The following HK2 variants were observed in gnomAD, a reference collection of about 807,000 sequenced individuals.
HK2 encodes the protein hexokinase 2.
In HK2, 42 loss-of-function variants were observed where a neutral mutation model predicts 92.9. The observed-to-expected ratio is 0.45, with a 90% CI of 0.35 to 0.58. HK2 has a LOEUF of 0.58. Ranked by LOEUF, HK2 falls within the 20% of genes least tolerant of loss-of-function variation. The pLI is 0.00. For synonymous variants in HK2, 422 were observed against 468.0 expected (o/e 0.90, Z 1.27); for missense variants, 978 against 1,245.1 (o/e 0.79, Z 3.23).
Position 74,857,770 on chromosome 2 carries a change from A to T in HK2, c.226+3315A>T, listed in dbSNP as rs538502859. Among the ~76,000 whole-genome samples the T allele has an allele frequency of 3.3e-5, 5 of 152,308 alleles. No individual in the cohort carries two copies. The South Asian group carries it at 1.0e-3, about 32-fold the overall frequency. On this transcript the variant is annotated intron_variant, in intron 2 of 17. Transcript: ENST00000290573. The stretch of plus-strand genomic sequence containing the variant: ...ATGGCAGTGAAAATAGGTGACTCCT[A>T]AGTTGATACAGACTATCAAAAATGA...
In HK2 at chr2:74,886,618, C is replaced by T. The variant is rs140962137; in HGVS notation, c.2164C>T (p.Arg722Cys). ...FGDNGCLDDF[R>C]TEFDVAVDEL... ...GGACAATGGATGCCTAGATGACTTC[C>T]GCACAGAATTTGATGTGGCTGTGGA... is the stretch of plus-strand genomic sequence containing the variant. Residue 722 changes from arginine (R) to cysteine (C), a missense_variant, in exon 15 of 18, where the codon CGC (arginine) becomes TGC (cysteine). By Grantham distance (180) the Arg-to-Cys change is radical (BLOSUM62 -3). Transcript: ENST00000290573. The T allele has an allele frequency of 1.9e-5, 31 of 1,613,926 alleles. No individual in the cohort carries two copies. Among genetic ancestry groups the T allele is most frequent in the Middle Eastern group, 3.3e-4 (2 of 6,062 alleles).
At chr2:74,888,236 G>C (rs1689588277) in intron 16 of HK2, among the ~76,000 whole-genome samples, 178 bp downstream of exon 16, 1 of 152,208 alleles carries the variant, frequency 6.6e-6, no homozygotes, top group Admixed American at 6.5e-5. Context: ...CATTTTAAGG[G>C]CAAACAGAGC....
intron 16 of HK2, 62 bp from the exon 17 acceptor site, chr2:74,889,183 G>A: frequency 1.5e-6 from 2 of 1,369,490 alleles, no homozygotes; most frequent in East Asian, 4.9e-5. Context: ...AGGCCCTGGT[G>A]TGGTAGGCTA....
chr2:74,869,878 A>G (rs57939247), intron 3 of HK2, among the ~76,000 whole-genome samples: 8,475 of 152,208 alleles, frequency 0.056, 299 homozygotes, highest in African/African-American at 0.098. Flanking sequence ...TCTTGCAGCA[A>G]TGGAACTGTC....
chr2:74,861,507 C>G (rs1037561054), intron 2 of HK2, among the ~76,000 whole-genome samples: 1 of 152,002 alleles, frequency 6.6e-6, no homozygotes, highest in Non-Finnish European at 1.5e-5. Context: ...ATCTGTTTTA[C>G]TCTCCACAAA....
intron 2 of HK2, among the ~76,000 whole-genome samples, chr2:74,861,265 T>A (rs955780472): frequency 1.3e-5 from 2 of 152,016 alleles, no homozygotes; most frequent in Non-Finnish European, 2.9e-5. Flanking sequence ...ACTAAAAATA[T>A]AAAAAATTAG....
At chr2:74,835,190 G>C (rs1448205872) in intron 1 of HK2, 1 of 174,184 alleles carries the variant, frequency 5.7e-6, no homozygotes, top group East Asian at 1.6e-4. Context: ...GAGTAGGAAA[G>C]GGGCAGAGGA....
At chr2:74,865,631 C>T (rs537894799) in intron 2 of HK2, among the ~76,000 whole-genome samples, 2 of 152,194 alleles carry the variant, frequency 1.3e-5, no homozygotes, top group East Asian at 3.9e-4. Context: ...CAGATGAGGG[C>T]GATGTTGCTG....
At chr2:74,866,299 G>T (rs1354422924) in intron 2 of HK2, among the ~76,000 whole-genome samples, 1 of 152,162 alleles carries the variant, frequency 6.6e-6, no homozygotes, top group Admixed American at 6.5e-5. Flanking sequence ...CTTCACTTCA[G>T]TGCTGTTCTC....
rs531105231 is a variant in HK2, at chr2:74,845,912, C to T, written c.64-8381C>T. Among the ~76,000 whole-genome samples, 9 of 152,334 alleles carry T rather than the reference C, an allele frequency of 5.9e-5. No homozygotes were observed. In the East Asian group the frequency reaches 1.7e-3, roughly 29 times the overall value. On this transcript the variant is annotated intron_variant, in intron 1 of 17. Coordinates refer to ENST00000290573, the MANE Select transcript of HK2 (RefSeq NM_000189.5). ...CTGCTCTTTGTACAGCCTCAGCCTT[C>T]CCAGGAGGAGTCTGTGAGGGCATTA...
intron 12 of HK2, among the ~76,000 whole-genome samples, chr2:74,882,894 G>A (rs554573660): frequency 7.9e-5 from 12 of 151,874 alleles, no homozygotes; most frequent in Non-Finnish European, 4.4e-5. Context: ...ATGGGCTCAG[G>A]GCATTTTCAT....
At chr2:74,886,090 G>A (rs1331043217) in intron 13 of HK2, among the ~76,000 whole-genome samples, 1 of 152,080 alleles carries the variant, frequency 6.6e-6, no homozygotes, top group African/African-American at 2.4e-5. Flanking sequence ...GAGCAAGTGT[G>A]CTGGAAAGGG....
rs1240752812 is a variant in HK2 at position 74,889,383 on chromosome 2, G to A, written c.2514G>A (p.Met838Ile). Residue 838 changes from methionine (M) to isoleucine (I), a missense_variant, in exon 17 of 18, where the codon ATG becomes ATA. By Grantham distance (10) the Met-to-Ile change is conservative. Coordinates refer to ENST00000290573, the MANE Select transcript of HK2 (RefSeq NM_000189.5). ...CAGCCCAGCTCTGTGGCGCAGGCAT[G>A]GCCGCTGTGGTGGACAGGATACGAG... ...RRAAQLCGAGMAAVVDRIREN... is the reference protein window; with the variant it reads ...RRAAQLCGAGIAAVVDRIREN... The A allele has an allele frequency of 6.2e-7, 1 of 1,614,232 alleles. No individual in the cohort carries two copies. The highest frequency in any genetic ancestry group is 1.7e-5 in the Admixed American group (1 of 60,028).
rs555755112 is a variant in HK2, at chr2:74,881,530, A to C, written c.1571-181A>C. ...ACAAGGGAGGGTTTTCTCAGTTTAAAAGATTTCCCTTCAGCTTCCTTCAGG... is the reference window on the plus strand; with the variant it reads ...ACAAGGGAGGGTTTTCTCAGTTTAACAGATTTCCCTTCAGCTTCCTTCAGG... On this transcript the variant is annotated intron_variant, in intron 10 of 17. Transcript: ENST00000290573. 3.3e-5 allele frequency among the ~76,000 whole-genome samples: 5 copies of C among 152,304 alleles called. No homozygotes were observed. The South Asian group carries it at 1.0e-3, about 32-fold the overall frequency.
rs1308882283 is a variant in HK2, at chr2:74,878,699, G to C, written c.1043G>C (p.Gly348Ala). 1.2e-6 allele frequency: 2 copies of C among 1,605,430 alleles called. No individual in the cohort carries two copies. The highest frequency in any genetic ancestry group is 3.4e-5 in the Admixed American group (2 of 59,078). ...DISDIEGEKD[G>A]IRKAREVLMR... is the part of the protein sequence containing the mutation. Reference sequence around the variant, plus strand: ...TTTCTGTTTCCCAGGGAGAAGGATGGCATCCGGAAGGCCCGTGAGGTCCTG... The same window carrying C: ...TTTCTGTTTCCCAGGGAGAAGGATGCCATCCGGAAGGCCCGTGAGGTCCTG... The change falls in exon 9 of 18, where the codon GGC (glycine) becomes GCC (alanine). Residue 348 changes from glycine (G) to alanine (A), a missense_variant. By Grantham distance (60) the Gly-to-Ala change is moderately conservative (BLOSUM62 0). This residue lies in a region of HK2 where 742 missense variants were observed against 922.5 expected (regional missense o/e 0.80). Coordinates refer to ENST00000290573, the MANE Select transcript of HK2 (RefSeq NM_000189.5).
intron 2 of HK2, among the ~76,000 whole-genome samples, chr2:74,860,823 C>A (rs13397480): frequency 0.19 from 29,027 of 152,108 alleles, 6,667 homozygotes; most frequent in African/African-American, 0.55. Context: ...AGACATTTCC[C>A]CCAAATTGTT....
At position 74,880,433 on chromosome 2, in the gene HK2, G is replaced by C; in HGVS notation, c.1434G>C (p.Gln478His). 6.2e-7 allele frequency: 1 copy of C among 1,614,228 alleles called. No individual in the cohort carries two copies. The highest frequency in any genetic ancestry group is 8.5e-7 in the Non-Finnish European group (1 of 1,180,030). ...GCCAGAAGACATTAGAGCATCTGCA[G>C]CTGAGCCATGACCAGCTGCTGGAGG... ...RARQKTLEHL[Q>H]LSHDQLLEVK... is the part of the protein sequence containing the mutation. The change falls in exon 10 of 18, where the codon CAG becomes CAC. Residue 478 changes from glutamine to histidine, a missense_variant. Gln to His is a conservative substitution (Grantham distance 24, BLOSUM62 0). Around this residue, in one of 3 missense-constraint regions of HK2, gnomAD observed 742 missense variants for 922.5 expected, o/e 0.80. Coordinates refer to ENST00000290573, the MANE Select transcript of HK2 (RefSeq NM_000189.5).
chr2:74,864,536 T>A (rs1157249648), intron 2 of HK2, among the ~76,000 whole-genome samples: 1 of 152,150 alleles, frequency 6.6e-6, no homozygotes, highest in East Asian at 1.9e-4. Context: ...AGACAGAGTC[T>A]GGCTCTATTG....
intron 11 of HK2, 64 bp downstream of exon 11, chr2:74,881,923 A>G (rs578094437): frequency 6.3e-7 from 1 of 1,577,246 alleles, no homozygotes; most frequent in Admixed American, 1.7e-5. Flanking sequence ...CTTCGAGGAC[A>G]GTGCTTTCTC....
Sources: allele counts gnomAD v4.1 joint callset (sites outside exome capture counted in the v4.1 genomes callset), GRCh38; gene constraint gnomAD v4.1.1; regional missense constraint gnomAD v4.1.1; transcripts MANE v1.5; gene names NCBI Gene and HGNC (gene_info 2026-07-23, HGNC 2026-07-21).